The following FZD3 variants were observed in gnomAD, a reference collection of about 807,000 sequenced individuals.
The protein encoded by FZD3 is frizzled-3.
In FZD3, 30 loss-of-function variants were observed where a neutral mutation model predicts 60.7. The observed-to-expected ratio is 0.49, with a 90% CI of 0.37 to 0.67. The LOEUF is 0.67. FZD3 is among the 30% of genes least tolerant of loss of function. The probability of loss-of-function intolerance (pLI) is 0.00; values close to 1 mark genes in which losing one functional copy is unlikely to be tolerated. For synonymous variants in FZD3, 246 were observed against 275.2 expected (o/e 0.89, Z 1.05); for missense variants, 605 against 838.7 (o/e 0.72, Z 3.44).
Position 28,563,000 on chromosome 8 carries a change from A to C in FZD3, c.1990A>C (p.Thr664Pro). ...SMNRVIEEDGTSA is the reference protein window; with the variant it reads ...SMNRVIEEDGPSA The stretch of plus-strand genomic sequence containing the variant: ...GAATCGGGTTATTGAAGAAGATGGA[A>C]CCAGTGCTTAATTTGTCTTGTCTAA... The change falls in exon 8 of 8, where the codon ACC becomes CCC. Residue 664 changes from threonine (T) to proline (P), a missense_variant. Coordinates refer to ENST00000240093, the MANE Select transcript of FZD3 (RefSeq NM_017412.4). 6.2e-7 allele frequency: 1 copy of C among 1,608,278 alleles called. No individual in the cohort carries two copies. The highest frequency in any genetic ancestry group is 8.5e-7 in the Non-Finnish European group (1 of 1,174,636).
chr8:28,499,995 A>G lies in FZD3; in HGVS notation c.-345+17A>G, dbSNP rs1294374181. 1 of 152,330 alleles carries G rather than the reference A, an allele frequency of 6.6e-6. No homozygotes were observed. Among genetic ancestry groups the G allele is most frequent in the African/African-American group, 2.4e-5 (1 of 41,578 alleles). The allele number at this position is 152,330 out of a possible 1,614,324, so 9.4% of individuals were successfully genotyped here. A position where few individuals can be genotyped will look rare whatever the true frequency, so the allele number is the denominator to read the frequency against. ...TAACCTGAGGTAATCATTAGAATGC[A>G]TATCATTCTCCAGGATTCAGATTTC... On this transcript the variant is annotated intron_variant, in intron 2 of 7. Coordinates refer to ENST00000240093, the MANE Select transcript of FZD3 (RefSeq NM_017412.4).
rs951111133 is a variant in FZD3, at chr8:28,567,994, A to G, written c.*4983A>G. 1 of 152,146 alleles carries G rather than the reference A, an allele frequency of 6.6e-6. No individual in the cohort carries two copies. Among genetic ancestry groups the G allele is most frequent in the Non-Finnish European group, 1.5e-5 (1 of 68,010 alleles). 9.4% of individuals were successfully genotyped at this position (152,146 alleles called of 1,614,324 possible). A position where few individuals can be genotyped will look rare whatever the true frequency, so the allele number is the denominator to read the frequency against. On this transcript the variant is annotated 3_prime_UTR_variant, in exon 8 of 8. Coordinates refer to ENST00000240093, the MANE Select transcript of FZD3 (RefSeq NM_017412.4). ...ACCTCATTTTTTCTGATTGAGAAAA[A>G]GTTTTGAAAAAGTGATTCACTTGTT...
chr8:28,522,600 C>T (rs562451759), intron 4 of FZD3, among the ~76,000 whole-genome samples: 1 of 151,918 alleles, frequency 6.6e-6, no homozygotes, highest in East Asian at 1.9e-4. Flanking sequence ...GTATTTAACG[C>T]CTATTGTTTA....
intron 6 of FZD3, among the ~76,000 whole-genome samples, chr8:28,555,308 A>G (rs989808468): frequency 6.6e-6 from 1 of 152,182 alleles, no homozygotes; most frequent in Non-Finnish European, 1.5e-5. Flanking sequence ...GCAAGAAAAC[A>G]ATTTTTCTAT....
At chr8:28,495,352 A>G (rs1015248167) in intron 1 of FZD3, among the ~76,000 whole-genome samples, 5 of 152,186 alleles carry the variant, frequency 3.3e-5, no homozygotes, top group African/African-American at 1.2e-4. Flanking sequence ...AGGGAGATGC[A>G]GCAGCAGCAC....
In FZD3 at chr8:28,555,861, T is replaced by C; in HGVS notation, c.1677T>C (p.His559=). 6.2e-7 allele frequency: 1 copy of C among 1,613,760 alleles called. No individual in the cohort carries two copies. The highest frequency in any genetic ancestry group is 8.5e-7 in the Non-Finnish European group (1 of 1,179,608). Reference sequence around the variant, plus strand: ...CTTCCACTCAAGGAACATCCACCCATGCTTCTTCAACTCAGCTGGCTATGG... The same window carrying C: ...CTTCCACTCAAGGAACATCCACCCACGCTTCTTCAACTCAGCTGGCTATGG... ...RGTSTQGTST[H]ASSTQLAMVD... The change falls in exon 7 of 8, where the codon CAT becomes CAC. Residue 559 remains histidine, a synonymous_variant. Coordinates refer to ENST00000240093, the MANE Select transcript of FZD3 (RefSeq NM_017412.4).
At chr8:28,549,563 T>C (rs959549791) in intron 5 of FZD3, among the ~76,000 whole-genome samples, 3 of 152,160 alleles carry the variant, frequency 2.0e-5, no homozygotes, top group Admixed American at 2.0e-4. Context: ...GCTTTATTTC[T>C]TTTATCTAAT....
intron 3 of FZD3, among the ~76,000 whole-genome samples, chr8:28,512,626 GC>G (rs752880417): frequency 1.8e-4 from 27 of 151,506 alleles, no homozygotes; most frequent in Non-Finnish European, 3.2e-4. Flanking sequence ...GTCCTTTTTT[GC>G]TCAGCTCCTG....
chr8:28,525,605 A>G (rs1650156637), intron 4 of FZD3, among the ~76,000 whole-genome samples: 1 of 152,198 alleles, frequency 6.6e-6, no homozygotes, highest in African/African-American at 2.4e-5. Flanking sequence ...GAAGGAAATA[A>G]GATCAGAAAA....
At chr8:28,505,875 C>T (rs559626021) in intron 3 of FZD3, among the ~76,000 whole-genome samples, 1 of 152,302 alleles carries the variant, frequency 6.6e-6, no homozygotes, top group East Asian at 1.9e-4. Flanking sequence ...AAGTGTCAAT[C>T]CATTAAGTTA....
chr8:28,511,238 A>T (rs1206276484), intron 3 of FZD3, among the ~76,000 whole-genome samples: 7 of 152,114 alleles, frequency 4.6e-5, no homozygotes, highest in African/African-American at 1.4e-4. Context: ...CTGTAATCCC[A>T]GCACTTTGGG....
rs954310977 is a variant in FZD3, at chr8:28,527,302, A to T, written c.542A>T (p.His181Leu). Reference sequence around the variant, plus strand: ...CCTGATCTGGGTTATTCTTTTCTGCATGTGCGTGATTGTTCACCTCCTTGT... The same window carrying T: ...CCTGATCTGGGTTATTCTTTTCTGCTTGTGCGTGATTGTTCACCTCCTTGT... ...IDPDLGYSFL[H>L]VRDCSPPCPN... The change falls in exon 5 of 8, where the codon CAT becomes CTT. Residue 181 changes from histidine to leucine, a missense_variant. Coordinates refer to ENST00000240093, the MANE Select transcript of FZD3 (RefSeq NM_017412.4). The surrounding 1 kb of genome is among the most constrained non-coding windows in gnomAD (Gnocchi z 5.0). 4 of 1,614,062 alleles carry T rather than the reference A, an allele frequency of 2.5e-6. No homozygotes were observed. Among genetic ancestry groups the T allele is most frequent in the East Asian group, 2.2e-5 (1 of 44,876 alleles).
intron 7 of FZD3, among the ~76,000 whole-genome samples, chr8:28,559,228 A>C (rs1278617232): frequency 6.6e-6 from 1 of 152,222 alleles, no homozygotes; most frequent in Non-Finnish European, 1.5e-5. Flanking sequence ...TTGGCAATTA[A>C]AATTGTGAGC....
Position 28,551,585 on chromosome 8 carries a change from T to A in FZD3, c.1405-18T>A. 2 of 1,554,904 alleles carry A rather than the reference T, an allele frequency of 1.3e-6. No homozygotes were observed. Among genetic ancestry groups the A allele is most frequent in the Non-Finnish European group, 1.8e-6 (2 of 1,136,018 alleles). On this transcript the variant is annotated intron_variant, in intron 5 of 7. Coordinates refer to ENST00000240093, the MANE Select transcript of FZD3 (RefSeq NM_017412.4). ...TTATTTTTATATATTTAAGATGCTT[T>A]TCTTTCTGTTCTTCCAGGTTACTCA...
intron 6 of FZD3, among the ~76,000 whole-genome samples, chr8:28,552,379 G>A (rs950912749): frequency 3.3e-5 from 5 of 152,206 alleles, no homozygotes; most frequent in African/African-American, 1.2e-4. Context: ...GCATATTACA[G>A]TGTGATATAA....
In FZD3 at chr8:28,569,781, G is replaced by C. The variant is rs1306244841; in HGVS notation, c.*6770G>C. 6.6e-6 allele frequency: 1 copy of C among 152,076 alleles called. No individual in the cohort carries two copies. Among genetic ancestry groups the C allele is most frequent in the Non-Finnish European group, 1.5e-5 (1 of 68,000 alleles). The allele number at this position is 152,076 out of a possible 1,614,324, so 9.4% of individuals were successfully genotyped here. The stretch of plus-strand genomic sequence containing the variant: ...AAAGTCTTCTTAAGCACCAATATAA[G>C]CACCTTAAATTGATACATAGAAAAG... On this transcript the variant is annotated 3_prime_UTR_variant, in exon 8 of 8. Transcript: ENST00000240093.
chr8:28,527,355 C>A lies in FZD3; in HGVS notation c.595C>A (p.Leu199Met), dbSNP rs757589666. 5 of 1,613,446 alleles carry A rather than the reference C, an allele frequency of 3.1e-6. No homozygotes were observed. The highest frequency in any genetic ancestry group is 4.2e-6 in the Non-Finnish European group (5 of 1,179,394). Residue 199 changes from leucine (L) to methionine (M), a missense_variant, in exon 5 of 8, where the codon CTG (leucine) becomes ATG (methionine). Physicochemically the swap from Leu to Met is conservative, Grantham distance 15 (BLOSUM62 2). Coordinates refer to ENST00000240093, the MANE Select transcript of FZD3 (RefSeq NM_017412.4). The surrounding 1 kb of genome is among the most constrained non-coding windows in gnomAD (Gnocchi z 5.0). Reference sequence around the variant, plus strand: ...AAATATGTACTTCAGAAGAGAAGAACTGTCATTTGCTCGCTATTTCATAGG... The same window carrying A: ...AAATATGTACTTCAGAAGAGAAGAAATGTCATTTGCTCGCTATTTCATAGG... ...CPNMYFRREE[L>M]SFARYFIGLI...
chr8:28,531,002 T>A (rs1308008672), intron 5 of FZD3, among the ~76,000 whole-genome samples: 1 of 152,172 alleles, frequency 6.6e-6, no homozygotes, highest in Non-Finnish European at 1.5e-5. Context: ...TAAATATCCA[T>A]GTACTCACAA....
intron 3 of FZD3, among the ~76,000 whole-genome samples, chr8:28,515,648 CA>C (rs916143033): frequency 5.9e-5 from 9 of 151,998 alleles, no homozygotes; most frequent in African/African-American, 1.9e-4. Context: ...AGAGGAAGGT[CA>C]TACACCAGTA....
Sources: gnomAD v4.1 joint callset for allele counts (sites outside exome capture counted in the v4.1 genomes callset) on GRCh38, gnomAD v4.1.1 for gene constraint, Gnocchi (gnomAD v3.1) non-coding constraint, MANE v1.5 for transcripts, NCBI Gene and HGNC (gene_info 2026-07-23, HGNC 2026-07-21) for gene names.